The following NARS2 variants were observed in gnomAD, a reference collection of about 807,000 sequenced individuals.
NARS2 encodes asparaginyl-tRNA synthetase 2, mitochondrial.
NARS2 carries 60 observed loss-of-function variants against 62.9 expected under a neutral mutation model. That is an observed-to-expected ratio of 0.95 (90% confidence interval 0.77 to 1.18). NARS2 has a LOEUF of 1.18. NARS2 is among the 50% of genes most tolerant of loss of function. The probability of loss-of-function intolerance (pLI) is 0.00; values close to 1 mark genes in which losing one functional copy is unlikely to be tolerated. For synonymous variants in NARS2, 196 were observed against 200.0 expected (o/e 0.98, Z 0.17); for missense variants, 619 against 576.4 (o/e 1.07, Z -0.76).
chr11:78,560,290 C>T (rs1188944938), intron 4 of NARS2, among the ~76,000 whole-genome samples: 1 of 152,186 alleles, frequency 6.6e-6, no homozygotes, highest in Non-Finnish European at 1.5e-5. Context: ...TTCTGAGCAG[C>T]AGCAAATCCA....
intron 5 of NARS2, among the ~76,000 whole-genome samples, chr11:78,547,708 T>C (rs1359063567): frequency 6.6e-6 from 1 of 152,198 alleles, no homozygotes; most frequent in Non-Finnish European, 1.5e-5. Context: ...TAGCTAATAA[T>C]CATGAACATC....
chr11:78,505,315 CACACACACAT>C (rs1198230919), intron 6 of NARS2, among the ~76,000 whole-genome samples: 127 of 104,570 alleles, frequency 1.2e-3, no homozygotes, highest in African/African-American at 2.5e-3. Context: ...CACACACACA[CACACACACAT>C]ACGTATGTAT....
chr11:78,527,599 G>A (rs551109531), intron 6 of NARS2, among the ~76,000 whole-genome samples: 20 of 152,288 alleles, frequency 1.3e-4, no homozygotes, highest in African/African-American at 4.6e-4. Flanking sequence ...TTCTAGCAAA[G>A]TACAAAAGTA....
chr11:78,557,136 A>G (rs756697008), intron 5 of NARS2, among the ~76,000 whole-genome samples: 1 of 152,218 alleles, frequency 6.6e-6, no homozygotes, highest in Non-Finnish European at 1.5e-5. Context: ...ATGATAGAGC[A>G]TGCATTCACT....
intron 10 of NARS2, 90 bp downstream of exon 10, chr11:78,469,157 G>T: frequency 1.2e-6 from 1 of 867,760 alleles, no homozygotes; most frequent in Non-Finnish European, 1.9e-6. Context: ...AGAGAATTAA[G>T]ATGATTTTGA....
chr11:78,466,834 G>T (rs1858643686), intron 10 of NARS2, among the ~76,000 whole-genome samples: 1 of 152,108 alleles, frequency 6.6e-6, no homozygotes, highest in South Asian at 2.1e-4. Flanking sequence ...GCTCTTTGAT[G>T]AATATTTATT....
chr11:78,479,173 C>G (rs1428538145), intron 7 of NARS2, among the ~76,000 whole-genome samples: 1 of 152,020 alleles, frequency 6.6e-6, no homozygotes, highest in Non-Finnish European at 1.5e-5. Context: ...AAATGAAAGT[C>G]AACTTTAAAA....
intron 2 of NARS2, among the ~76,000 whole-genome samples, chr11:78,569,616 G>A (rs1287859115): frequency 6.6e-6 from 1 of 152,128 alleles, no homozygotes; most frequent in Admixed American, 6.6e-5. Flanking sequence ...CTAAATATAT[G>A]CTATTCTTAT....
intron 6 of NARS2, among the ~76,000 whole-genome samples, chr11:78,520,573 C>T (rs1156383745): frequency 6.6e-6 from 1 of 152,124 alleles, no homozygotes; most frequent in East Asian, 1.9e-4. Flanking sequence ...GAGGTTTATC[C>T]ATAAAAACAG....
At chr11:78,444,247 C>G (rs1338524961) in intron 11 of NARS2, among the ~76,000 whole-genome samples, 4 of 152,000 alleles carry the variant, frequency 2.6e-5, no homozygotes, top group African/African-American at 7.3e-5. Flanking sequence ...TATTTAACTG[C>G]TTTCCTTTTT....
chr11:78,564,425 A>G (rs1856670455), intron 4 of NARS2, among the ~76,000 whole-genome samples: 1 of 152,132 alleles, frequency 6.6e-6, no homozygotes, highest in Non-Finnish European at 1.5e-5. Context: ...TCCTGGGCTC[A>G]AAAGATCCTC....
chr11:78,546,545 A>G (rs1855883524), intron 5 of NARS2: 1 of 152,222 alleles, frequency 6.6e-6, no homozygotes, highest in Non-Finnish European at 1.5e-5. Flanking sequence ...TATACATTCA[A>G]CAAGGAAAGA....
chr11:78,436,653 C>G lies in NARS2; in HGVS notation c.*17G>C. 1.2e-6 allele frequency: 2 copies of G among 1,613,828 alleles called. No homozygotes were observed. Among genetic ancestry groups the G allele is most frequent in the Non-Finnish European group, 1.7e-6 (2 of 1,179,836 alleles). On this transcript the variant is annotated 3_prime_UTR_variant, in exon 14 of 14. Transcript: ENST00000281038. ...GTCTCTGCCATGGGGGGTGCTTTTC[C>G]TTAACCAATCTTCCAGCTATAAAAG...
chr11:78,467,026 G>A (rs902669466), intron 10 of NARS2, among the ~76,000 whole-genome samples: 2 of 152,118 alleles, frequency 1.3e-5, no homozygotes, highest in African/African-American at 2.4e-5. Flanking sequence ...ATAACAAACA[G>A]AGGTTACTTT....
chr11:78,437,689 T>C (rs1335830398), intron 13 of NARS2, among the ~76,000 whole-genome samples: 1 of 151,932 alleles, frequency 6.6e-6, no homozygotes, highest in Admixed American at 6.6e-5. Context: ...TTAAAACAAG[T>C]TTATCGGCCG....
chr11:78,466,089 G>A (rs1467515635), intron 10 of NARS2, 76 bp from the exon 11 acceptor site: 2 of 1,446,694 alleles, frequency 1.4e-6, no homozygotes, highest in Non-Finnish European at 1.9e-6. Flanking sequence ...AAAATAACCT[G>A]CATCAATTCT....
intron 5 of NARS2, among the ~76,000 whole-genome samples, chr11:78,548,980 A>C (rs1172618860): frequency 6.6e-6 from 1 of 151,950 alleles, no homozygotes; most frequent in Non-Finnish European, 1.5e-5. Flanking sequence ...CAGAAACTCT[A>C]CCCCCCAATT....
At chr11:78,558,310 C>T (rs141965508) in intron 5 of NARS2, 5 of 152,292 alleles carry the variant, frequency 3.3e-5, no homozygotes, top group East Asian at 1.9e-4. Flanking sequence ...ATAATGAAGA[C>T]GGCATTTGAT....
rs143452335 is a variant in NARS2 at position 78,530,384 on chromosome 11, T to C, written c.595-1448A>G. The stretch of plus-strand genomic sequence containing the variant: ...TTTCTCCTTTCCTTCACCACTTTAG[T>C]CTATAATTTGTACTAATTTAACTTC... On this transcript the variant is annotated intron_variant, in intron 5 of 13. Coordinates refer to ENST00000281038, the MANE Select transcript of NARS2 (RefSeq NM_024678.6). 7.2e-4 allele frequency among the ~76,000 whole-genome samples: 109 copies of C among 152,320 alleles called. 1 individual carries two copies. The East Asian group carries it at 0.017, about 23-fold the overall frequency.
Sources: allele counts gnomAD v4.1 joint callset (sites outside exome capture counted in the v4.1 genomes callset), GRCh38; gene constraint gnomAD v4.1.1; transcripts MANE v1.5; gene names NCBI Gene and HGNC (gene_info 2026-07-23, HGNC 2026-07-21).